The following NWD1 variants were observed in gnomAD, a reference collection of about 807,000 sequenced individuals.
NWD1 encodes NACHT domain- and WD repeat-containing protein 1.
A neutral mutation model predicts 135.1 loss-of-function variants in NWD1; 129 were observed. That is an observed-to-expected ratio of 0.96 (90% CI 0.83 to 1.11). The LOEUF (loss-of-function observed/expected upper bound fraction) is 1.11. Ranked by LOEUF, NWD1 falls within the 50% of genes least tolerant of loss-of-function variation. The pLI is 0.00. For missense variants in NWD1, 1,740 were observed against 1,851.3 expected (o/e 0.94, Z 1.10); for synonymous variants, 773 against 786.0 (o/e 0.98, Z 0.28).
chr19:16,790,446 T>C (rs1970200575), intron 13 of NWD1, among the ~76,000 whole-genome samples: 1 of 151,652 alleles, frequency 6.6e-6, no homozygotes. Flanking sequence ...GATGTACCTA[T>C]TAAACACTTG....
intron 6 of NWD1, 46 bp downstream of exon 6, chr19:16,750,457 CT>C (rs1568352140): frequency 7.1e-7 from 1 of 1,401,830 alleles, no homozygotes; most frequent in Non-Finnish European, 9.4e-7. Context: ...TTTATGTTTT[CT>C]TTTTTTATTT....
chr19:16,765,629 C>T lies in NWD1; in HGVS notation c.2410+437C>T, dbSNP rs142696906. Among the ~76,000 whole-genome samples, 6 of 152,180 alleles carry T rather than the reference C, an allele frequency of 3.9e-5. 1 individual carries two copies. The South Asian group carries it at 8.3e-4, about 21-fold the overall frequency. Reference sequence around the variant, plus strand: ...GATTATAGATAGACATGAGCCATGGCGCCTGGCCTAGAATTTTAAATTGAG... The same window carrying T: ...GATTATAGATAGACATGAGCCATGGTGCCTGGCCTAGAATTTTAAATTGAG... On this transcript the variant is annotated intron_variant, in intron 10 of 18. Coordinates refer to ENST00000524140, the MANE Select transcript of NWD1 (RefSeq NM_001007525.5).
At position 16,748,823 on chromosome 19, in the gene NWD1, CAAT is replaced by C. The variant is rs138566461; in HGVS notation, c.497-301_497-299del. Among the ~76,000 whole-genome samples, 798 of 149,112 alleles carry C rather than the reference CAAT, an allele frequency of 5.4e-3. 4 individuals carry two copies. Among genetic ancestry groups the C allele is most frequent in the Non-Finnish European group, 7.3e-3 (498 of 67,828 alleles). On this transcript the variant is annotated intron_variant, in intron 5 of 18. Coordinates refer to ENST00000524140, the MANE Select transcript of NWD1 (RefSeq NM_001007525.5). ...TGGGTGACAGAGTGAGACCCTGTCT[CAAT>C]AATAATAATAATAAGAAGAAGAATA... is the stretch of plus-strand genomic sequence containing the variant.
rs1968453780 is a variant in NWD1, at chr19:16,749,302, C to T, written c.660C>T (p.Ala220=). The change falls in exon 6 of 19, where the codon GCC becomes GCT. Residue 220 remains alanine (A), a synonymous_variant. Transcript: ENST00000524140. ...CGGATGGCTGCCTGGACGCTGATGC[C>T]CAGAACCTTCTCAGCAGCCTCAAAA... The part of the protein sequence containing the change: ...RLADGCLDAD[A]QNLLSSLKSH... 6.2e-7 allele frequency: 1 copy of T among 1,613,978 alleles called. No homozygotes were observed. Among genetic ancestry groups the T allele is most frequent in the Non-Finnish European group, 8.5e-7 (1 of 1,179,990 alleles).
intron 6 of NWD1, among the ~76,000 whole-genome samples, chr19:16,751,520 G>T (rs779865059): frequency 1.0e-4 from 15 of 150,170 alleles, no homozygotes; most frequent in Non-Finnish European, 1.5e-4. Context: ...AAGGAAAGAG[G>T]CCTGGCATGG....
chr19:16,768,836 C>T (rs1374966910), intron 10 of NWD1, among the ~76,000 whole-genome samples: 1 of 152,188 alleles, frequency 6.6e-6, no homozygotes, highest in Non-Finnish European at 1.5e-5. Context: ...AAAAGGATGA[C>T]CAGTGGCCTG....
chr19:16,817,626 C>T lies in NWD1; in HGVS notation c.*2587C>T, dbSNP rs1599577164. ...AAAAAAAAAAAAAAAAAAGTAATGGCAAAAACCACAATTAATTTTGCATCA... is the reference window on the plus strand; with the variant it reads ...AAAAAAAAAAAAAAAAAAGTAATGGTAAAAACCACAATTAATTTTGCATCA... On this transcript the variant is annotated 3_prime_UTR_variant, in exon 19 of 19. Transcript: ENST00000524140. 6.8e-6 allele frequency: 1 copy of T among 147,926 alleles called. No homozygotes were observed. The highest frequency in any genetic ancestry group is 2.5e-5 in the African/African-American group (1 of 40,276). The allele number at this position is 147,926 out of a possible 1,614,324, so 9.2% of individuals were successfully genotyped here.
At chr19:16,757,924 C>T (rs1162703497) in intron 6 of NWD1, among the ~76,000 whole-genome samples, 1 of 152,056 alleles carries the variant, frequency 6.6e-6, no homozygotes, top group Non-Finnish European at 1.5e-5. Context: ...TGGTGGTGCA[C>T]ACCTGTAGTC....
intron 12 of NWD1, among the ~76,000 whole-genome samples, chr19:16,787,894 T>G (rs1970094455): frequency 1.3e-5 from 1 of 79,814 alleles, no homozygotes. Flanking sequence ...ATAATAATAA[T>G]AATAATAATA....
Position 16,750,118 on chromosome 19 carries a change from G to A in NWD1, c.1476G>A (p.Val492=). The A allele has an allele frequency of 6.2e-7, 1 of 1,614,008 alleles. No homozygotes were observed. The highest frequency in any genetic ancestry group is 8.5e-7 in the Non-Finnish European group (1 of 1,180,020). The change falls in exon 6 of 19, where the codon GTG becomes GTA. Residue 492 remains valine (V), a synonymous_variant. Transcript: ENST00000524140. ...TGGACCCGGAGGCCTACTGGGAGGT[G>A]AAGCCCCTTTCCGGAAACCAAGGCC... is the stretch of plus-strand genomic sequence containing the variant. ...VLLDPEAYWE[V]KPLSGNQGQQ...
At chr19:16,748,888 TC>T (rs1968431645) in intron 5 of NWD1, among the ~76,000 whole-genome samples, 1 of 152,172 alleles carries the variant, frequency 6.6e-6, no homozygotes, top group Admixed American at 6.5e-5. Flanking sequence ...CTGGGTGCAG[TC>T]CCTGGACCAG....
Position 16,765,116 on chromosome 19 carries a change from C to T in NWD1, c.2334C>T (p.His778=). 6.2e-7 allele frequency: 1 copy of T among 1,614,180 alleles called. No homozygotes were observed. Among genetic ancestry groups the T allele is most frequent in the Non-Finnish European group, 8.5e-7 (1 of 1,180,024 alleles). Residue 778 remains histidine (H), a synonymous_variant, in exon 10 of 19, where the codon CAC becomes CAT. Coordinates refer to ENST00000524140, the MANE Select transcript of NWD1 (RefSeq NM_001007525.5). The stretch of plus-strand genomic sequence containing the variant: ...ATGACTTTGACCTGTGTGCCCCTCA[C>T]CTGGACTCCCCTGAGGTTGGCCTGG... The part of the protein sequence containing the change: ...LLDDFDLCAP[H]LDSPEVGLVR...
At chr19:16,782,320 G>T (rs189431622) in intron 12 of NWD1, among the ~76,000 whole-genome samples, 1 of 147,542 alleles carries the variant, frequency 6.8e-6, no homozygotes, top group Non-Finnish European at 1.5e-5. Flanking sequence ...TTTTAAATTA[G>T]CCAGGCATGG....
At chr19:16,797,286 G>A (rs966475741) in intron 15 of NWD1, among the ~76,000 whole-genome samples, 2 of 151,466 alleles carry the variant, frequency 1.3e-5, no homozygotes, top group African/African-American at 4.9e-5. Context: ...TCCCCGTCCT[G>A]GATCCCTTCT....
chr19:16,781,717 G>A (rs1969858916), intron 12 of NWD1, among the ~76,000 whole-genome samples: 1 of 152,000 alleles, frequency 6.6e-6, no homozygotes, highest in African/African-American at 2.4e-5. Flanking sequence ...ATGCTTATTT[G>A]TTGAATAAAT....
chr19:16,749,714 A>G lies in NWD1; in HGVS notation c.1072A>G (p.Met358Val), dbSNP rs1423021159. 2 of 1,604,144 alleles carry G rather than the reference A, an allele frequency of 1.2e-6. No individual in the cohort carries two copies. Among genetic ancestry groups the G allele is most frequent in the Admixed American group, 1.7e-5 (1 of 59,264 alleles). ...TALMCKLAEQ[M>V]PRLLGHKTVT... is the part of the protein sequence containing the mutation. ...CCTGATGTGCAAGCTGGCTGAGCAG[A>G]TGCCAAGGCTGCTGGGGCACAAGAC... The change falls in exon 6 of 19, where the codon ATG becomes GTG. Residue 358 changes from methionine (M) to valine (V), a missense_variant. Met to Val is a conservative substitution (Grantham distance 21). Coordinates refer to ENST00000524140, the MANE Select transcript of NWD1 (RefSeq NM_001007525.5).
intron 13 of NWD1, among the ~76,000 whole-genome samples, chr19:16,790,643 A>T (rs200835395): frequency 0.24 from 4,498 of 19,064 alleles, 159 homozygotes; most frequent in East Asian, 0.36. Context: ...AAAAAAAAAT[A>T]AATAAATAAA....
At chr19:16,745,252 C>T (rs1298381400) in intron 5 of NWD1, 1 of 333,210 alleles carries the variant, frequency 3.0e-6, no homozygotes, top group East Asian at 8.8e-5. Context: ...GAAACTATCC[C>T]CCATGATTCA....
At chr19:16,772,957 A>G (rs552933469) in intron 10 of NWD1, among the ~76,000 whole-genome samples, 169 bp from the exon 11 acceptor site, 2 of 152,232 alleles carry the variant, frequency 1.3e-5, no homozygotes, top group Admixed American at 6.5e-5. Context: ...AGCAAGGGTA[A>G]GTGTGTCTGG....
Sources: gnomAD v4.1 joint callset for allele counts (sites outside exome capture counted in the v4.1 genomes callset) on GRCh38, gnomAD v4.1.1 for gene constraint, MANE v1.5 for transcripts, NCBI Gene and HGNC (gene_info 2026-07-23, HGNC 2026-07-21) for gene names.